Variants in NAALADL2 observed in about 807,000 individuals in gnomAD.
The protein encoded by NAALADL2 is inactive N-acetylated-alpha-linked acidic dipeptidase-like protein 2.
A neutral mutation model predicts 87.2 loss-of-function variants in NAALADL2; 76 were observed. The ratio of observed to expected loss-of-function variants is 0.87; its 90% CI spans 0.72 to 1.05. The LOEUF (loss-of-function observed/expected upper bound fraction) is 1.05. Ranked by LOEUF, NAALADL2 falls within the 50% of genes least tolerant of loss-of-function variation. NAALADL2 has a pLI of 0.00. For missense variants in NAALADL2, 1,089 were observed against 945.8 expected (o/e 1.15, Z -1.99); for synonymous variants, 354 against 331.0 (o/e 1.07, Z -0.75).
intron 10 of NAALADL2, among the ~76,000 whole-genome samples, chr3:175,617,381 T>C (rs971849720): frequency 6.6e-6 from 1 of 152,194 alleles, no homozygotes; most frequent in South Asian, 2.1e-4. Context: ...AGACTGGCTC[T>C]GGACCCTGTG....
chr3:175,254,062 A>C (rs188867627), intron 3 of NAALADL2, among the ~76,000 whole-genome samples: 50 of 152,314 alleles, frequency 3.3e-4, no homozygotes, highest in Admixed American at 2.7e-3. Context: ...AAGCAGCAAT[A>C]GGGTTTTTGA....
intron 1 of NAALADL2, among the ~76,000 whole-genome samples, chr3:174,543,211 T>G (rs1333689717): frequency 6.6e-6 from 1 of 152,138 alleles, no homozygotes; most frequent in Non-Finnish European, 1.5e-5. Flanking sequence ...GCCATTATAA[T>G]AATATCATCT....
chr3:174,902,464 A>G (rs1732432115), intron 1 of NAALADL2, among the ~76,000 whole-genome samples: 1 of 152,102 alleles, frequency 6.6e-6, no homozygotes, highest in African/African-American at 2.4e-5. Context: ...TAACTAAAAT[A>G]AGTTGCAACT....
chr3:175,771,540 T>C (rs1397497261), intron 13 of NAALADL2, among the ~76,000 whole-genome samples: 1 of 152,156 alleles, frequency 6.6e-6, no homozygotes, highest in African/African-American at 2.4e-5. Context: ...CCATGTTTTC[T>C]CTGGCTCTAA....
intron 11 of NAALADL2, among the ~76,000 whole-genome samples, chr3:175,685,449 G>GGTGTGTGTGTGTGTGTGT (rs59449046): frequency 2.1e-5 from 3 of 144,586 alleles, no homozygotes; most frequent in Non-Finnish European, 4.6e-5. Context: ...ACCAACAGGA[G>GGTGTGTGTGTGTGTGTGT]GTGTGTGTGT....
intron 3 of NAALADL2, among the ~76,000 whole-genome samples, chr3:174,791,225 C>A (rs1420182011): frequency 6.6e-6 from 1 of 152,180 alleles, no homozygotes; most frequent in East Asian, 1.9e-4. Context: ...ATGCTGTGGG[C>A]CACATTCTTT....
intron 11 of NAALADL2, among the ~76,000 whole-genome samples, chr3:175,633,643 G>T (rs1027229743): frequency 1.3e-5 from 2 of 151,764 alleles, no homozygotes; most frequent in East Asian, 3.9e-4. Context: ...CATCTATGTG[G>T]TACCATGGAA....
At chr3:174,995,390 A>G (rs2108736542) in intron 1 of NAALADL2, among the ~76,000 whole-genome samples, 1 of 152,304 alleles carries the variant, frequency 6.6e-6, no homozygotes, top group Non-Finnish European at 1.5e-5. Context: ...TAGCACAAAA[A>G]TCAAACTGAT....
chr3:175,021,656 T>A (rs1751577401), intron 1 of NAALADL2, among the ~76,000 whole-genome samples: 2 of 152,126 alleles, frequency 1.3e-5, no homozygotes, highest in Admixed American at 6.6e-5. Context: ...GAGCCCAGCC[T>A]TTCTTATCTG....
chr3:175,020,092 C>T (rs1480317199), intron 1 of NAALADL2, among the ~76,000 whole-genome samples: 1 of 152,052 alleles, frequency 6.6e-6, no homozygotes, highest in East Asian at 1.9e-4. Context: ...TGGAAATCCA[C>T]AGATTCTGTT....
At chr3:174,771,645 C>T (rs576620) in intron 3 of NAALADL2, among the ~76,000 whole-genome samples, 4 of 151,930 alleles carry the variant, frequency 2.6e-5, no homozygotes, top group African/African-American at 9.7e-5. Context: ...TGTTTAGATT[C>T]CATTCTACAC....
intron 13 of NAALADL2, among the ~76,000 whole-genome samples, chr3:175,760,892 G>A (rs537815268): frequency 2.0e-5 from 3 of 152,110 alleles, no homozygotes; most frequent in South Asian, 2.1e-4. Context: ...TTTTAAAGCA[G>A]GTTTAGGCTT....
intron 2 of NAALADL2, among the ~76,000 whole-genome samples, chr3:174,732,369 G>A (rs1732786531): frequency 6.6e-6 from 1 of 152,048 alleles, no homozygotes; most frequent in Admixed American, 6.6e-5. Context: ...ATCTCAGAAA[G>A]GACAAGGGAA....
chr3:175,802,969 G>A (rs372929349), intron 13 of NAALADL2, 36 bp from the exon 14 acceptor site: 2 of 1,377,118 alleles, frequency 1.5e-6, no homozygotes, highest in East Asian at 2.3e-5. Flanking sequence ...ATAGCATTGT[G>A]CATGAAACAT....
chr3:175,558,102 G>A (rs1715602476), intron 9 of NAALADL2, among the ~76,000 whole-genome samples: 1 of 150,112 alleles, frequency 6.7e-6, no homozygotes, highest in African/African-American at 2.5e-5. Context: ...GGCTGAGGCA[G>A]GAGAATGGCG....
intron 1 of NAALADL2, among the ~76,000 whole-genome samples, chr3:174,473,036 T>C (rs778971719): frequency 3.8e-4 from 58 of 152,316 alleles, no homozygotes; most frequent in Admixed American, 1.9e-3. Flanking sequence ...AAAGAGGGAA[T>C]AATGTTTGGA....
At chr3:175,347,860 T>C (rs1004475164) in intron 5 of NAALADL2, among the ~76,000 whole-genome samples, 1 of 152,084 alleles carries the variant, frequency 6.6e-6, no homozygotes, top group Non-Finnish European at 1.5e-5. Flanking sequence ...ACATTAGGTA[T>C]TTCTCCTAAT....
intron 13 of NAALADL2, among the ~76,000 whole-genome samples, chr3:175,759,888 C>T (rs920309376): frequency 1.3e-5 from 2 of 152,028 alleles, no homozygotes; most frequent in African/African-American, 4.8e-5. Flanking sequence ...CTTAAATGCT[C>T]TGTTGAGAGG....
chr3:175,128,415 A>G (rs972478116), intron 2 of NAALADL2, among the ~76,000 whole-genome samples: 1 of 152,180 alleles, frequency 6.6e-6, no homozygotes, highest in African/African-American at 2.4e-5. Flanking sequence ...GCTACTTCAA[A>G]GAACAAAGGA....
Sources: gnomAD v4.1 joint callset for allele counts (sites outside exome capture counted in the v4.1 genomes callset) on GRCh38, gnomAD v4.1.1 for gene constraint, MANE v1.5 for transcripts, NCBI Gene and HGNC (gene_info 2026-07-23, HGNC 2026-07-21) for gene names.